Variants in NUGGC observed in about 807,000 individuals in gnomAD.
NUGGC encodes nuclear GTPase, germinal center associated, also known as nuclear GTPase SLIP-GC.
Under a neutral mutation model 92.6 loss-of-function variants are expected in NUGGC, and 58 were observed. That is an observed-to-expected ratio of 0.63 (90% CI 0.51 to 0.78). The LOEUF is 0.78. Among genes scored for constraint, NUGGC ranks in the 30% least tolerant of loss-of-function variants. NUGGC has a pLI of 0.00. For synonymous variants in NUGGC, 376 were observed against 366.4 expected, an observed-to-expected ratio of 1.03 and a Z score of -0.30; for missense variants, 925 against 964.6, an observed-to-expected ratio of 0.96 and a Z score of 0.54.
intron 13 of NUGGC, among the ~76,000 whole-genome samples, chr8:28,037,421 C>T (rs1809583469): frequency 6.6e-6 from 1 of 152,196 alleles, no homozygotes; most frequent in Non-Finnish European, 1.5e-5. Context: ...TGCCCCTCCA[C>T]TCCTCTGCCC....
chr8:28,072,730 T>C (rs574265274), intron 2 of NUGGC, among the ~76,000 whole-genome samples: 4 of 152,312 alleles, frequency 2.6e-5, no homozygotes, highest in South Asian at 2.1e-4. Flanking sequence ...CTTGGATTTA[T>C]ACCATACGAG....
At chr8:28,042,414 G>C (rs1391323661) in intron 12 of NUGGC, among the ~76,000 whole-genome samples, 4 of 152,188 alleles carry the variant, frequency 2.6e-5, no homozygotes, top group Admixed American at 2.6e-4. Flanking sequence ...ATCCTGCCAA[G>C]TAGCTACCCC....
intron 10 of NUGGC, among the ~76,000 whole-genome samples, chr8:28,055,039 T>C (rs1321128528): frequency 6.6e-6 from 1 of 151,580 alleles, no homozygotes; most frequent in African/African-American, 2.4e-5. Flanking sequence ...ATACAAAAAT[T>C]AACCAGGCAT....
Position 28,033,581 on chromosome 8 carries a change from G to A in NUGGC, c.1728C>T (p.Pro576=), listed in dbSNP as rs367823438. Residue 576 remains proline, a synonymous_variant, in exon 14 of 19, where the codon CCC becomes CCT. Coordinates refer to ENST00000413272, the MANE Select transcript of NUGGC (RefSeq NM_001010906.2). The stretch of plus-strand genomic sequence containing the variant: ...AAACAGGGTCGATCTGGTCATAGAC[G>A]GGCTGAGTGAGGGCTTCATTTAGAT... ...RIDLNEALTQ[P]VYDQIDPVFG... The A allele has an allele frequency of 6.9e-5, 112 of 1,613,826 alleles. No individual in the cohort carries two copies. Among genetic ancestry groups the A allele is most frequent in the Middle Eastern group, 4.9e-4 (3 of 6,084 alleles).
At chr8:28,081,220 G>A (rs73573237) in intron 1 of NUGGC, among the ~76,000 whole-genome samples, 3,244 of 152,218 alleles carry the variant, frequency 0.021, 124 homozygotes, top group African/African-American at 0.074. Flanking sequence ...TTGGGAGACT[G>A]AGGCAGGAGA....
chr8:28,023,249 C>CA lies in NUGGC; in HGVS notation c.*67dup, dbSNP rs1399955079. The CA allele has an allele frequency of 6.0e-6, 9 of 1,510,248 alleles. No homozygotes were observed. The highest frequency in any genetic ancestry group is 2.4e-5 in the East Asian group (1 of 41,858). The allele number at this position is 1,510,248 out of a possible 1,614,324, so 93.6% of individuals were successfully genotyped here. ...GTAGATAGATCTTGTCTCTTAAGAA[C>CA]AAAAAAAGTAATTCTAATTCTCTGG... On this transcript the variant is annotated 3_prime_UTR_variant, in exon 19 of 19. Transcript: ENST00000413272.
At chr8:28,026,020 A>G (rs1809250971) in intron 18 of NUGGC, among the ~76,000 whole-genome samples, 1 of 152,114 alleles carries the variant, frequency 6.6e-6, no homozygotes, top group African/African-American at 2.4e-5. Flanking sequence ...CCTCTCACAA[A>G]TGGCAACATA....
intron 16 of NUGGC, among the ~76,000 whole-genome samples, chr8:28,029,703 C>T (rs1391278776): frequency 2.6e-5 from 4 of 151,918 alleles, no homozygotes; most frequent in Non-Finnish European, 4.4e-5. Flanking sequence ...GAGCTGAGAT[C>T]GCTGCCACTG....
intron 10 of NUGGC, among the ~76,000 whole-genome samples, chr8:28,053,650 C>T (rs1451839647): frequency 6.6e-6 from 1 of 152,196 alleles, no homozygotes; most frequent in South Asian, 2.1e-4. Flanking sequence ...GCTATAGTCA[C>T]CCTGCAAACT....
At chr8:28,064,137 G>A (rs1479436023) in intron 7 of NUGGC, among the ~76,000 whole-genome samples, 1 of 152,180 alleles carries the variant, frequency 6.6e-6, no homozygotes, top group East Asian at 1.9e-4. Context: ...CTATGCTGAT[G>A]CTGCTTACAG....
intron 2 of NUGGC, among the ~76,000 whole-genome samples, chr8:28,071,359 G>T (rs1190937285): frequency 6.6e-6 from 1 of 152,144 alleles, no homozygotes; most frequent in Non-Finnish European, 1.5e-5. Flanking sequence ...ACAGGGGCCA[G>T]GTGACCAGAA....
At chr8:28,033,324 C>T (rs996444283) in intron 14 of NUGGC, among the ~76,000 whole-genome samples, 14 of 152,212 alleles carry the variant, frequency 9.2e-5, no homozygotes, top group African/African-American at 3.4e-4. Context: ...TAACATTAGT[C>T]TGAAAGCAGC....
rs556923812 is a variant in NUGGC, at chr8:28,070,321, T to C, written c.79A>G (p.Arg27Gly). Residue 27 changes from arginine to glycine, a missense_variant, in exon 3 of 19, where the codon AGA becomes GGA. Transcript: ENST00000413272. ...DDLYKERTRK[R>G]RKSDRDQRFR... ...CGCTGGTCTCGATCTGATTTCCTTC[T>C]TTTTCTCGTTCGTTCTTTATATAAA... 9.0e-6 allele frequency: 14 copies of C among 1,548,590 alleles called. No homozygotes were observed. Among genetic ancestry groups the C allele is most frequent in the Non-Finnish European group, 1.1e-5 (13 of 1,143,412 alleles).
In NUGGC at chr8:28,060,485, A is replaced by G. The variant is rs1329843348; in HGVS notation, c.1038T>C (p.Cys346=). The G allele has an allele frequency of 1.9e-6, 3 of 1,613,778 alleles. No homozygotes were observed. Among genetic ancestry groups the G allele is most frequent in the South Asian group, 2.2e-5 (2 of 91,066 alleles). The change falls in exon 8 of 19, where the codon TGT becomes TGC. Residue 346 remains cysteine, a synonymous_variant. Coordinates refer to ENST00000413272, the MANE Select transcript of NUGGC (RefSeq NM_001010906.2). ...TGGTGACCACCAGGGCCACGTCCCT[A>G]CAGAAGCCCCGCTGGCAGGCTTTGA... ...ESIKACQRGF[C]RDVALVVTKM... is the part of the protein sequence containing the mutation.
intron 8 of NUGGC, 79 bp downstream of exon 8, chr8:28,060,347 G>A (rs964806858): frequency 1.5e-6 from 2 of 1,368,066 alleles, no homozygotes; most frequent in East Asian, 2.4e-5. Context: ...ACAAAGTCAA[G>A]CTCCATGCTA....
chr8:28,058,850 G>A (rs911910000), intron 8 of NUGGC, among the ~76,000 whole-genome samples: 3 of 152,038 alleles, frequency 2.0e-5, no homozygotes, highest in African/African-American at 7.2e-5. Context: ...CTACAGGTGT[G>A]CATCACCACG....
intron 2 of NUGGC, among the ~76,000 whole-genome samples, chr8:28,071,813 C>A (rs1055317994): frequency 6.6e-6 from 1 of 152,098 alleles, no homozygotes; most frequent in Non-Finnish European, 1.5e-5. Context: ...TGGCCTGCAC[C>A]TTAGAAAATG....
intron 17 of NUGGC, among the ~76,000 whole-genome samples, chr8:28,029,044 A>G (rs1809342716): frequency 6.6e-6 from 1 of 152,158 alleles, no homozygotes; most frequent in Non-Finnish European, 1.5e-5. Flanking sequence ...TAAATAGCTG[A>G]GCACATGTCT....
chr8:28,058,212 GATA>G (rs1810198801), intron 9 of NUGGC, 43 bp downstream of exon 9: 1 of 343,068 alleles, frequency 2.9e-6, no homozygotes. Flanking sequence ...AAAATAAATA[GATA>G]ATAATTTAAA....
Sources: allele counts gnomAD v4.1 joint callset (sites outside exome capture counted in the v4.1 genomes callset), GRCh38; gene constraint gnomAD v4.1.1; transcripts MANE v1.5; gene names NCBI Gene and HGNC (gene_info 2026-07-23, HGNC 2026-07-21).